TMEM185A: variants seen among roughly 807,000 people sequenced by gnomAD.
TMEM185A encodes transmembrane protein 185A.
A neutral mutation model predicts 25.0 loss-of-function variants in TMEM185A; 9 were observed. The observed-to-expected ratio is 0.36, with a 90% confidence interval of 0.22 to 0.63. The LOEUF (loss-of-function observed/expected upper bound fraction) is 0.63, where lower values mean the gene tolerates loss of function less well. TMEM185A is among the 20% of genes least tolerant of loss of function. The pLI, the probability that TMEM185A is intolerant of heterozygous loss-of-function variation, is 0.68. For missense variants in TMEM185A, 103 were observed against 237.4 expected, an observed-to-expected ratio of 0.43 and a Z score of 3.72; for synonymous variants, 45 against 93.5, an observed-to-expected ratio of 0.48 and a Z score of 2.99.
At chrX:149,620,036 G>C (rs782132845) in intron 1 of TMEM185A, among the ~76,000 whole-genome samples, 70 of 111,568 alleles carry the variant, frequency 6.3e-4, no homozygotes, top group African/African-American at 2.2e-3. Context: ...TACACTGTTG[G>C]TGGGACTGTA....
At chrX:149,610,451 A>T (rs2124213192) in intron 2 of TMEM185A, among the ~76,000 whole-genome samples, 1 of 106,848 alleles carries the variant, frequency 9.4e-6, no homozygotes, top group Admixed American at 1.0e-4. Flanking sequence ...AAAAAAAAAA[A>T]AAAAAAAGGT....
At chrX:149,608,470 A>T in intron 3 of TMEM185A, 157 bp downstream of exon 3, 1 of 471,184 alleles carries the variant, frequency 2.1e-6, no homozygotes, top group Non-Finnish European at 3.5e-6. Flanking sequence ...AGCTGGGATT[A>T]CTGGCGCATG....
chrX:149,602,063 G>A (rs1457060192), intron 4 of TMEM185A: 5 of 82,180 alleles, frequency 6.1e-5, no homozygotes, highest in African/African-American at 9.5e-5. Flanking sequence ...GTGCTTTTTC[G>A]CCATGTGTAT....
chrX:149,620,893 G>A (rs782657666), intron 1 of TMEM185A, among the ~76,000 whole-genome samples: 4 of 112,132 alleles, frequency 3.6e-5, no homozygotes, highest in Non-Finnish European at 7.5e-5. Context: ...CTGTGTCAAG[G>A]TGATTCACAA....
At chrX:149,617,570 G>A (rs1293079588) in intron 1 of TMEM185A, among the ~76,000 whole-genome samples, 2 of 111,470 alleles carry the variant, frequency 1.8e-5, no homozygotes, top group African/African-American at 6.5e-5. Flanking sequence ...TCTTATATAT[G>A]CTGGTGGGAA....
At chrX:149,619,099 C>T (rs942490951) in intron 1 of TMEM185A, among the ~76,000 whole-genome samples, 1 of 111,985 alleles carries the variant, frequency 8.9e-6, no homozygotes, top group Admixed American at 9.4e-5. Flanking sequence ...CCTTTTTGTA[C>T]TCTGCTACAC....
chrX:149,628,641 G>C (rs1423910316), intron 1 of TMEM185A, among the ~76,000 whole-genome samples: 2 of 111,903 alleles, frequency 1.8e-5, no homozygotes, highest in Non-Finnish European at 3.8e-5. Context: ...CAAAAGGCTG[G>C]AAAGGGGATC....
At position 149,613,827 on chromosome X, in the gene TMEM185A, A is replaced by C. The variant is rs192423979; in HGVS notation, c.39-2364T>G. Among the ~76,000 whole-genome samples, 398 of 112,581 alleles carry C rather than the reference A, an allele frequency of 3.5e-3. 3 individuals are homozygous for C. Among genetic ancestry groups the C allele is most frequent in the African/African-American group, 0.012 (381 of 31,021 alleles). ...TGCCTACCACAACATAAGACACAGT[A>C]TATTTTTGAACAAGGACTATTTCCA... On this transcript the variant is annotated intron_variant, in intron 1 of 6. Coordinates refer to ENST00000600449, the MANE Select transcript of TMEM185A (RefSeq NM_032508.4).
intron 3 of TMEM185A, 50 bp downstream of exon 3, chrX:149,608,577 T>C (rs782150425): frequency 3.7e-5 from 43 of 1,166,668 alleles, no homozygotes; most frequent in Non-Finnish European, 5.0e-5. Context: ...GTGATCCACC[T>C]GCCTTGACCT....
intron 3 of TMEM185A, 55 bp from the exon 4 acceptor site, chrX:149,604,125 C>T: frequency 2.3e-6 from 2 of 863,071 alleles, no homozygotes; most frequent in African/African-American, 2.0e-5. Context: ...TTTAATACTG[C>T]AGTAATTTGG....
chrX:149,625,084 G>A (rs1324796196), intron 1 of TMEM185A, among the ~76,000 whole-genome samples: 2 of 112,393 alleles, frequency 1.8e-5, no homozygotes, highest in Non-Finnish European at 3.8e-5. Context: ...CAAAGTATGA[G>A]TCTCCACTTA....
chrX:149,630,913 C>T (rs1181718548), intron 1 of TMEM185A, among the ~76,000 whole-genome samples: 2 of 111,624 alleles, frequency 1.8e-5, no homozygotes, highest in Non-Finnish European at 3.8e-5. Flanking sequence ...TATCTACTTC[C>T]TGCAAATAAA....
intron 1 of TMEM185A, among the ~76,000 whole-genome samples, chrX:149,612,435 G>GT (rs2090088784): frequency 8.9e-6 from 1 of 112,229 alleles, no homozygotes; most frequent in Admixed American, 9.4e-5. Context: ...ACTATATGCT[G>GT]TCTGTAAGAA....
intron 3 of TMEM185A, 39 bp downstream of exon 3, chrX:149,608,588 C>A: frequency 2.5e-6 from 3 of 1,197,260 alleles, no homozygotes; most frequent in Non-Finnish European, 3.4e-6. Flanking sequence ...GCCTTGACCT[C>A]CCAAAGTGGA....
chrX:149,620,639 A>C (rs2090135192), intron 1 of TMEM185A, among the ~76,000 whole-genome samples: 1 of 111,504 alleles, frequency 9.0e-6, no homozygotes, highest in Non-Finnish European at 1.9e-5. Context: ...GCCAATGTCG[A>C]CCAAGGCAAA....
At chrX:149,631,387 TG>T in intron 1 of TMEM185A, 155 bp downstream of exon 1, 1 of 326,686 alleles carries the variant, frequency 3.1e-6, no homozygotes, top group African/African-American at 2.8e-5. Context: ...CCGACTGTTT[TG>T]CCTGGGGACC....
chrX:149,607,644 G>A (rs1288120539), intron 3 of TMEM185A, among the ~76,000 whole-genome samples: 1 of 112,338 alleles, frequency 8.9e-6, no homozygotes, highest in Non-Finnish European at 1.9e-5. Flanking sequence ...TATGCTTAGG[G>A]AAAAAGGGCT....
At position 149,609,799 on chromosome X, in the gene TMEM185A, T is replaced by C. The variant is rs782579292; in HGVS notation, c.216-965A>G. On this transcript the variant is annotated intron_variant, in intron 2 of 6. Coordinates refer to ENST00000600449, the MANE Select transcript of TMEM185A (RefSeq NM_032508.4). Reference sequence around the variant, plus strand: ...TTCAACCCCACATACACAATTCCTTTCCTTGCTCAAAACATCTTAAATAAG... The same window carrying C: ...TTCAACCCCACATACACAATTCCTTCCCTTGCTCAAAACATCTTAAATAAG... 1.9e-4 allele frequency among the ~76,000 whole-genome samples: 21 copies of C among 112,560 alleles called. No homozygotes were observed. The South Asian group carries it at 7.7e-3, about 41-fold the overall frequency.
intron 1 of TMEM185A, among the ~76,000 whole-genome samples, chrX:149,620,160 T>C (rs1290811984): frequency 1.8e-5 from 2 of 112,009 alleles, no homozygotes; most frequent in Non-Finnish European, 3.8e-5. Flanking sequence ...GGACTATAAA[T>C]CATGCTGCTA....
Sources: allele counts gnomAD v4.1 joint callset (sites outside exome capture counted in the v4.1 genomes callset), GRCh38; gene constraint gnomAD v4.1.1; transcripts MANE v1.5; gene names NCBI Gene and HGNC (gene_info 2026-07-23, HGNC 2026-07-21).